HDAC9: variants seen among roughly 807,000 people sequenced by gnomAD.
HDAC9 encodes the protein MEF-2 interacting transcription repressor (MITR) protein.
HDAC9 carries 41 observed loss-of-function variants against 139.4 expected under a neutral mutation model. The observed-to-expected ratio is 0.29, with a 90% CI of 0.23 to 0.38. The LOEUF is 0.38. Ranked by LOEUF, HDAC9 falls within the 10% of genes least tolerant of loss-of-function variation. HDAC9 has a pLI of 1.00. For synonymous variants in HDAC9, 517 were observed against 476.2 expected (o/e 1.09, Z -1.12); for missense variants, 1,147 against 1,297.0 (o/e 0.88, Z 1.78).
chr7:18,958,855 C>T (rs1783338888), intron 24 of HDAC9, among the ~76,000 whole-genome samples: 1 of 152,108 alleles, frequency 6.6e-6, no homozygotes, highest in African/African-American at 2.4e-5. Context: ...CTTCACAACC[C>T]ACAAGGATGA....
intron 17 of HDAC9, among the ~76,000 whole-genome samples, chr7:18,801,417 T>A (rs1346059375): frequency 6.6e-6 from 1 of 152,064 alleles, no homozygotes; most frequent in Non-Finnish European, 1.5e-5. Context: ...ATATTAAAAA[T>A]TTTTGTATTC....
chr7:18,569,697 A>G (rs1290652843), intron 2 of HDAC9, among the ~76,000 whole-genome samples: 2 of 152,194 alleles, frequency 1.3e-5, no homozygotes, highest in African/African-American at 4.8e-5. Context: ...CCAAATTATA[A>G]ATGTCTTCAA....
At chr7:18,554,194 A>C (rs1818012429) in intron 2 of HDAC9, among the ~76,000 whole-genome samples, 1 of 152,108 alleles carries the variant, frequency 6.6e-6, no homozygotes, top group Non-Finnish European at 1.5e-5. Flanking sequence ...ATAAGAAGTG[A>C]TTATAGAACT....
intron 1 of HDAC9, among the ~76,000 whole-genome samples, chr7:18,091,916 C>A (rs1257214577): frequency 6.6e-6 from 1 of 152,236 alleles, no homozygotes; most frequent in African/African-American, 2.4e-5. Flanking sequence ...GGTACTGTTA[C>A]AACATGGCAT....
At chr7:18,613,190 G>T (rs1261937440) in intron 6 of HDAC9, among the ~76,000 whole-genome samples, 1 of 150,998 alleles carries the variant, frequency 6.6e-6, no homozygotes, top group Non-Finnish European at 1.5e-5. Context: ...AGATTAGAAG[G>T]AACTGAATAT....
chr7:18,223,958 G>C (rs1024533552), intron 2 of HDAC9, among the ~76,000 whole-genome samples: 1 of 152,072 alleles, frequency 6.6e-6, no homozygotes, highest in Admixed American at 6.6e-5. Flanking sequence ...TGCACTAATT[G>C]TAATTGCACA....
At chr7:18,569,051 A>T (rs957548273) in intron 2 of HDAC9, among the ~76,000 whole-genome samples, 1 of 151,670 alleles carries the variant, frequency 6.6e-6, no homozygotes, top group Admixed American at 6.6e-5. Flanking sequence ...CTGTCTCAAA[A>T]AAATAAATAA....
chr7:18,674,701 A>T (rs767984561), intron 12 of HDAC9, among the ~76,000 whole-genome samples: 16 of 151,886 alleles, frequency 1.1e-4, no homozygotes, highest in Non-Finnish European at 7.4e-5. Context: ...CCATACTATG[A>T]TTTTATTCTC....
intron 1 of HDAC9, among the ~76,000 whole-genome samples, chr7:18,427,925 G>T (rs534910631): frequency 3.9e-5 from 6 of 152,032 alleles, no homozygotes; most frequent in Non-Finnish European, 7.4e-5. Flanking sequence ...TCACTATTCT[G>T]TTCTTTGCTT....
At chr7:18,611,649 C>T (rs1012941944) in intron 6 of HDAC9, among the ~76,000 whole-genome samples, 3 of 151,956 alleles carry the variant, frequency 2.0e-5, no homozygotes, top group Non-Finnish European at 2.9e-5. Context: ...TCTTTGAACA[C>T]GAATAAGTGA....
At chr7:18,455,873 T>G (rs1407797716) in intron 1 of HDAC9, among the ~76,000 whole-genome samples, 1 of 152,188 alleles carries the variant, frequency 6.6e-6, no homozygotes, top group Non-Finnish European at 1.5e-5. Context: ...AAAATGTTCC[T>G]TTATCATCAA....
intron 2 of HDAC9, among the ~76,000 whole-genome samples, chr7:18,267,814 T>A (rs1374312336): frequency 6.6e-6 from 1 of 152,128 alleles, no homozygotes; most frequent in Non-Finnish European, 1.5e-5. Context: ...ACATACCCAG[T>A]AGTGGGATTG....
intron 25 of HDAC9, among the ~76,000 whole-genome samples, chr7:18,980,968 C>A (rs1784909985): frequency 6.6e-6 from 1 of 151,872 alleles, no homozygotes; most frequent in Admixed American, 6.6e-5. Context: ...GGACTACAGG[C>A]ACGTGCCACC....
At chr7:18,608,592 G>C (rs552107957) in intron 6 of HDAC9, among the ~76,000 whole-genome samples, 65 of 151,874 alleles carry the variant, frequency 4.3e-4, no homozygotes, top group Admixed American at 1.4e-3. Flanking sequence ...TGTAATTTTT[G>C]CTATAAAAGC....
At chr7:18,629,837 G>A (rs1342252506) in intron 7 of HDAC9, among the ~76,000 whole-genome samples, 1 of 152,066 alleles carries the variant, frequency 6.6e-6, no homozygotes, top group African/African-American at 2.4e-5. Flanking sequence ...GGTCCAAGAA[G>A]AACACTTTCC....
At chr7:18,183,183 G>GTATTTTTA (rs572952267) in intron 2 of HDAC9, among the ~76,000 whole-genome samples, 3,184 of 152,078 alleles carry the variant, frequency 0.021, 116 homozygotes, top group African/African-American at 0.073. Flanking sequence ...CTAATTTTTT[G>GTATTTTTA]TATTTTTAGT....
chr7:18,853,124 A>C (rs1797425715), intron 21 of HDAC9, among the ~76,000 whole-genome samples: 1 of 152,174 alleles, frequency 6.6e-6, no homozygotes, highest in South Asian at 2.1e-4. Context: ...CCGAAGGGGT[A>C]GAGTTGCTTT....
chr7:18,569,519 ATC>A (rs1303188711), intron 2 of HDAC9, among the ~76,000 whole-genome samples: 4 of 152,226 alleles, frequency 2.6e-5, no homozygotes, highest in African/African-American at 9.6e-5. Context: ...ACAGACTGAT[ATC>A]TCAGAGCTGT....
chr7:18,761,213 G>A (rs1417883636), intron 14 of HDAC9, among the ~76,000 whole-genome samples: 1 of 152,206 alleles, frequency 6.6e-6, no homozygotes, highest in East Asian at 1.9e-4. Flanking sequence ...AGATGTGCCA[G>A]CTGAGGAATG....
Sources: gnomAD v4.1 joint callset for allele counts (sites outside exome capture counted in the v4.1 genomes callset) on GRCh38, gnomAD v4.1.1 for gene constraint, MANE v1.5 for transcripts, NCBI Gene and HGNC (gene_info 2026-07-23, HGNC 2026-07-21) for gene names.